The following LRFN5 variants were observed in gnomAD, a reference collection of about 807,000 sequenced individuals.
The protein encoded by LRFN5 is leucine rich repeat and fibronectin type III domain containing 5.
LRFN5 carries 24 observed loss-of-function variants against 45.6 expected under a neutral mutation model. That is an observed-to-expected ratio of 0.53 (90% confidence interval 0.38 to 0.74). The LOEUF (loss-of-function observed/expected upper bound fraction) is 0.74. Among genes scored for constraint, LRFN5 ranks in the 30% least tolerant of loss-of-function variants. The pLI is 0.00. For synonymous variants in LRFN5, 340 were observed against 313.8 expected, an observed-to-expected ratio of 1.08 and a Z score of -0.88; for missense variants, 776 against 861.5, an observed-to-expected ratio of 0.90 and a Z score of 1.24.
intron 2 of LRFN5, among the ~76,000 whole-genome samples, chr14:41,784,970 A>G (rs773790088): frequency 1.3e-5 from 2 of 151,986 alleles, no homozygotes; most frequent in East Asian, 1.9e-4. Flanking sequence ...TAGCATTACC[A>G]TGTTCTCTGG....
chr14:41,863,800 A>G lies in LRFN5; in HGVS notation c.-20-22806A>G, dbSNP rs150770649. On this transcript the variant is annotated intron_variant, in intron 2 of 5. Coordinates refer to ENST00000298119, the MANE Select transcript of LRFN5 (RefSeq NM_152447.5). The stretch of plus-strand genomic sequence containing the variant: ...CTGCACCCATCAAACTGTCATCTAC[A>G]TTAGGTATTTCTCCTAATGCCATCC... 7.4e-3 allele frequency among the ~76,000 whole-genome samples: 1,130 copies of G among 152,292 alleles called. 10 individuals are homozygous for G. The highest frequency in any genetic ancestry group is 0.025 in the African/African-American group (1,032 of 41,550).
intron 3 of LRFN5, among the ~76,000 whole-genome samples, chr14:41,889,725 T>G (rs1049331317): frequency 1.3e-5 from 2 of 152,226 alleles, no homozygotes; most frequent in Non-Finnish European, 2.9e-5. Flanking sequence ...GATTAAATTT[T>G]AATGTATACA....
chr14:41,815,133 A>G (rs1411352680), intron 2 of LRFN5, among the ~76,000 whole-genome samples: 1 of 152,182 alleles, frequency 6.6e-6, no homozygotes, highest in Admixed American at 6.6e-5. Context: ...TCTGATAAAC[A>G]GGTGTTGAAG....
intron 1 of LRFN5, among the ~76,000 whole-genome samples, chr14:41,759,494 CACACAGAG>C (rs1191534757): frequency 0.013 from 669 of 50,206 alleles, 5 homozygotes; most frequent in African/African-American, 0.047. Context: ...CACACACACA[CACACAGAG>C]AGAGCACCAG....
chr14:41,678,771 A>C (rs1192450949), intron 1 of LRFN5, among the ~76,000 whole-genome samples: 1 of 152,150 alleles, frequency 6.6e-6, no homozygotes, highest in Non-Finnish European at 1.5e-5. Flanking sequence ...ACAAGAAAGC[A>C]CCTTCTAAAA....
intron 2 of LRFN5, among the ~76,000 whole-genome samples, chr14:41,832,675 C>G (rs1227761361): frequency 1.3e-5 from 2 of 152,054 alleles, no homozygotes; most frequent in African/African-American, 2.4e-5. Flanking sequence ...ATATATTGGT[C>G]CCTTTCTCAG....
intron 2 of LRFN5, among the ~76,000 whole-genome samples, chr14:41,800,562 T>C (rs1351292567): frequency 1.3e-5 from 2 of 151,728 alleles, no homozygotes; most frequent in Non-Finnish European, 2.9e-5. Flanking sequence ...AGTAGAGATA[T>C]AGGCAAAAAA....
intron 2 of LRFN5, among the ~76,000 whole-genome samples, chr14:41,817,529 A>G (rs1436123701): frequency 6.6e-5 from 10 of 152,072 alleles, no homozygotes; most frequent in African/African-American, 2.4e-4. Context: ...CTGCCACTCT[A>G]TAAGACAGGA....
chr14:41,846,243 A>T (rs1178340231), intron 2 of LRFN5, among the ~76,000 whole-genome samples: 1 of 151,926 alleles, frequency 6.6e-6, no homozygotes, highest in Non-Finnish European at 1.5e-5. Flanking sequence ...GCACACACAC[A>T]CTTTCCCATC....
chr14:41,650,269 A>C (rs111230076), intron 1 of LRFN5, among the ~76,000 whole-genome samples: 223 of 118,616 alleles, frequency 1.9e-3, no homozygotes, highest in African/African-American at 4.6e-3. Flanking sequence ...ACACACACAA[A>C]AAAAAAAAAG....
intron 2 of LRFN5, among the ~76,000 whole-genome samples, chr14:41,809,326 A>G (rs921200560): frequency 1.3e-5 from 2 of 152,080 alleles, no homozygotes; most frequent in South Asian, 2.1e-4. Flanking sequence ...TTAAAATAAC[A>G]TAATTGATTA....
At chr14:41,824,419 T>A (rs1888224524) in intron 2 of LRFN5, among the ~76,000 whole-genome samples, 1 of 152,168 alleles carries the variant, frequency 6.6e-6, no homozygotes, top group Non-Finnish European at 1.5e-5. Flanking sequence ...TCATTATGAG[T>A]TCCTTGGTTG....
chr14:41,712,777 C>T (rs1484847106), intron 1 of LRFN5, among the ~76,000 whole-genome samples: 2 of 152,030 alleles, frequency 1.3e-5, no homozygotes, highest in African/African-American at 4.8e-5. Context: ...TTTTGCTGCT[C>T]CTCCCATTTT....
chr14:41,896,963 G>A (rs1890960649), intron 4 of LRFN5, among the ~76,000 whole-genome samples: 2 of 151,572 alleles, frequency 1.3e-5, no homozygotes, highest in South Asian at 2.1e-4. Flanking sequence ...GTGGTGGCGC[G>A]CACCTGTAAT....
chr14:41,894,677 A>G (rs1327861077), intron 4 of LRFN5: 2 of 985,192 alleles, frequency 2.0e-6, no homozygotes, highest in African/African-American at 1.7e-5. Context: ...TGGGAATGAT[A>G]TTACCTATCA....
At chr14:41,888,951 TTA>T (rs142558374) in intron 3 of LRFN5, among the ~76,000 whole-genome samples, 3 of 150,256 alleles carry the variant, frequency 2.0e-5, no homozygotes. Context: ...GCTTTGCATT[TTA>T]TATATATATA....
In LRFN5 at chr14:41,891,541, G is replaced by A. The variant is rs1207372092; in HGVS notation, c.1677G>A (p.Gly559=). ...GGTATAAGGTTTGCAACAATAATGG[G>A]CAACACAAGGTCACCAAGGTTAGCA... The part of the protein sequence containing the change: ...MIRYKVCNNN[G]QHKVTKVSNV... The change falls in exon 4 of 6, where the codon GGG becomes GGA. Residue 559 remains glycine, a synonymous_variant. Transcript: ENST00000298119. 1 of 1,614,142 alleles carries A rather than the reference G, an allele frequency of 6.2e-7. No individual in the cohort carries two copies.
At chr14:41,622,436 C>T (rs150006552) in intron 1 of LRFN5, among the ~76,000 whole-genome samples, 1 of 151,992 alleles carries the variant, frequency 6.6e-6, no homozygotes, top group Non-Finnish European at 1.5e-5. Context: ...TAAGCTTTGT[C>T]TTACGATCAT....
chr14:41,730,576 T>C (rs1488644671), intron 1 of LRFN5, among the ~76,000 whole-genome samples: 2 of 151,936 alleles, frequency 1.3e-5, no homozygotes, highest in Non-Finnish European at 2.9e-5. Context: ...GAAATAGTTA[T>C]AAAAAAGGCA....
Sources: gnomAD v4.1 joint callset for allele counts (sites outside exome capture counted in the v4.1 genomes callset) on GRCh38, gnomAD v4.1.1 for gene constraint, MANE v1.5 for transcripts, NCBI Gene and HGNC (gene_info 2026-07-23, HGNC 2026-07-21) for gene names.